Variants in ANKRD45 observed in about 807,000 individuals in gnomAD.
ANKRD45 encodes the protein ankyrin repeat domain 45.
In ANKRD45, 21 loss-of-function variants were observed where a neutral mutation model predicts 28.1. The ratio of observed to expected loss-of-function variants is 0.75; its 90% CI spans 0.53 to 1.08. ANKRD45 has a LOEUF of 1.08. Among genes scored for constraint, ANKRD45 ranks in the 50% least tolerant of loss-of-function variants. The probability of loss-of-function intolerance (pLI) is 0.00; values close to 1 mark genes in which losing one functional copy is unlikely to be tolerated. For synonymous variants in ANKRD45, 86 were observed against 103.9 expected (o/e 0.83, Z 1.05); for missense variants, 261 against 308.7 (o/e 0.85, Z 1.16).
At chr1:173,690,579 C>T in the ANKRD45 span, among the ~76,000 whole-genome samples, 1 of 152,200 alleles carries the variant, frequency 6.6e-6, no homozygotes, top group Non-Finnish European at 1.5e-5. Context: ...TGACACATTA[C>T]ATACTCATTC....
chr1:173,695,167 T>C, the ANKRD45 span, among the ~76,000 whole-genome samples: 1 of 152,186 alleles, frequency 6.6e-6, no homozygotes, highest in Non-Finnish European at 1.5e-5. Flanking sequence ...TCCTAAGCAA[T>C]GTATGGTATT....
At chr1:173,656,586 G>A (rs1669525632) in intron 2 of ANKRD45, among the ~76,000 whole-genome samples, 1 of 152,100 alleles carries the variant, frequency 6.6e-6, no homozygotes, top group South Asian at 2.1e-4. Flanking sequence ...GGCCCGACAT[G>A]GCCAGTTTCA....
chr1:173,658,982 A>G, intron 2 of ANKRD45, 109 bp downstream of exon 2: 1 of 1,427,146 alleles, frequency 7.0e-7, no homozygotes, highest in East Asian at 2.4e-5. Context: ...ATATACACAT[A>G]TATGTAAAGT....
chr1:173,679,498 A>G, the ANKRD45 span, among the ~76,000 whole-genome samples: 1 of 152,248 alleles, frequency 6.6e-6, no homozygotes, highest in Admixed American at 6.5e-5. Context: ...AGCCATATGC[A>G]GAAAGCTGAA....
chr1:173,668,598 C>T (rs1670122095), intron 1 of ANKRD45, among the ~76,000 whole-genome samples: 1 of 152,086 alleles, frequency 6.6e-6, no homozygotes, highest in Non-Finnish European at 1.5e-5. Flanking sequence ...CAAGAAGATA[C>T]CTGATAACCT....
chr1:173,651,291 A>C (rs934775382), intron 2 of ANKRD45, among the ~76,000 whole-genome samples: 1 of 152,200 alleles, frequency 6.6e-6, no homozygotes, highest in Non-Finnish European at 1.5e-5. Flanking sequence ...GAAGGGATGC[A>C]GTTTCAGGTT....
the ANKRD45 span, among the ~76,000 whole-genome samples, chr1:173,706,549 G>C: frequency 2.0e-5 from 3 of 151,864 alleles, no homozygotes; most frequent in African/African-American, 7.3e-5. Flanking sequence ...ATATTGGCCA[G>C]GCTGGTCTCG....
the ANKRD45 span, among the ~76,000 whole-genome samples, chr1:173,704,476 C>T: frequency 5.3e-5 from 8 of 152,186 alleles, no homozygotes; most frequent in Non-Finnish European, 7.3e-5. Context: ...CACTTTCAAC[C>T]TTTCATTACA....
At chr1:173,633,945 A>T (rs1287173999) in intron 3 of ANKRD45, among the ~76,000 whole-genome samples, 1 of 152,068 alleles carries the variant, frequency 6.6e-6, no homozygotes, top group Non-Finnish European at 1.5e-5. Context: ...TTTTTTCAGT[A>T]ATACCCTACG....
intron 2 of ANKRD45, among the ~76,000 whole-genome samples, chr1:173,647,971 T>A (rs1185103631): frequency 1.3e-5 from 2 of 150,846 alleles, no homozygotes; most frequent in Non-Finnish European, 3.0e-5. Flanking sequence ...TTAGATGGAG[T>A]CTTTCGCTGT....
At chr1:173,631,801 T>C (rs190971903) in intron 3 of ANKRD45, among the ~76,000 whole-genome samples, 2 of 150,616 alleles carry the variant, frequency 1.3e-5, no homozygotes, top group South Asian at 2.1e-4. Context: ...CAAATGAAAA[T>C]AGAAACACAA....
intron 3 of ANKRD45, chr1:173,636,790 T>C (rs1289820712): frequency 5.6e-6 from 8 of 1,424,676 alleles, no homozygotes; most frequent in Middle Eastern, 1.7e-4. Context: ...TCTACTGTTT[T>C]ATGTAGATAA....
the ANKRD45 span, among the ~76,000 whole-genome samples, chr1:173,684,483 T>C: frequency 1.3e-5 from 2 of 152,310 alleles, no homozygotes; most frequent in South Asian, 2.1e-4. Flanking sequence ...CACAGATGCA[T>C]GGTGTGACAT....
chr1:173,677,185 A>T, the ANKRD45 span, among the ~76,000 whole-genome samples: 10 of 148,898 alleles, frequency 6.7e-5, no homozygotes, highest in East Asian at 1.9e-4. Context: ...AAGGATTTTA[A>T]AAAAAAAAAG....
chr1:173,626,444 TAA>T (rs1310672314), intron 4 of ANKRD45, among the ~76,000 whole-genome samples: 2 of 152,182 alleles, frequency 1.3e-5, no homozygotes, highest in African/African-American at 4.8e-5. Context: ...TTTGACACAT[TAA>T]ATAATATGCA....
chr1:173,681,677 A>G, the ANKRD45 span, among the ~76,000 whole-genome samples: 1 of 152,144 alleles, frequency 6.6e-6, no homozygotes, highest in Admixed American at 6.6e-5. Context: ...TACTAAAGGA[A>G]ATAAAGGTGA....
At chr1:173,633,804 C>T (rs922212385) in intron 3 of ANKRD45, among the ~76,000 whole-genome samples, 4 of 151,992 alleles carry the variant, frequency 2.6e-5, no homozygotes, top group East Asian at 1.9e-4. Flanking sequence ...GAATGAAACT[C>T]GACCCCATCT....
chr1:173,627,637 G>T (rs534737888), intron 3 of ANKRD45, among the ~76,000 whole-genome samples: 2 of 152,206 alleles, frequency 1.3e-5, no homozygotes, highest in East Asian at 1.9e-4. Context: ...GTTCCAGCAG[G>T]CCCCACCACT....
intron 3 of ANKRD45, among the ~76,000 whole-genome samples, chr1:173,641,264 G>A (rs866325968): frequency 6.6e-6 from 1 of 152,172 alleles, no homozygotes; most frequent in Non-Finnish European, 1.5e-5. Flanking sequence ...TTGTGCACAC[G>A]GTAGGCCAGA....
Sources: allele counts gnomAD v4.1 joint callset (sites outside exome capture counted in the v4.1 genomes callset), GRCh38; gene constraint gnomAD v4.1.1; transcripts MANE v1.5; gene names NCBI Gene and HGNC (gene_info 2026-07-23, HGNC 2026-07-21).